FAIM2: variants seen among roughly 807,000 people sequenced by gnomAD.
FAIM2 encodes the protein protein lifeguard 2.
Under a neutral mutation model 47.4 loss-of-function variants are expected in FAIM2, and 27 were observed. That is an observed-to-expected ratio of 0.57 (90% confidence interval 0.42 to 0.78). The LOEUF (loss-of-function observed/expected upper bound fraction) is 0.78. FAIM2 is among the 30% of genes least tolerant of loss of function. The pLI is 0.00. For synonymous variants in FAIM2, 156 were observed against 159.3 expected, an observed-to-expected ratio of 0.98 and a Z score of 0.16; for missense variants, 311 against 389.4, an observed-to-expected ratio of 0.80 and a Z score of 1.69.
chr12:49,889,394 G>T, intron 9 of FAIM2, 87 bp downstream of exon 9: 1 of 1,280,004 alleles, frequency 7.8e-7, no homozygotes, highest in East Asian at 2.3e-5. Context: ...CCCAGCCCCA[G>T]GTCCGAGCTC....
rs369405074 is a variant in FAIM2 at position 49,879,340 on chromosome 12, A to C, written c.801+8046T>G. ...TGTATATGTGCGTGTGTATGTGTTT[A>C]TGTGTGCATGTGAGTGCATGTGTGT... On this transcript the variant is annotated intron_variant, in intron 11 of 11. Coordinates refer to ENST00000320634, the MANE Select transcript of FAIM2 (RefSeq NM_012306.4). Among the ~76,000 whole-genome samples, 404 of 118,868 alleles carry C rather than the reference A, an allele frequency of 3.4e-3. 10 individuals carry two copies. Among genetic ancestry groups the C allele is most frequent in the African/African-American group, 0.013 (382 of 30,020 alleles). The allele number at this position is 118,868 out of a possible 152,430, so 78.0% of individuals were successfully genotyped here. A position where few individuals can be genotyped will look rare whatever the true frequency, so the allele number is the denominator to read the frequency against.
chr12:49,899,633 G>A (rs947910843), intron 2 of FAIM2, among the ~76,000 whole-genome samples: 1 of 152,154 alleles, frequency 6.6e-6, no homozygotes, highest in South Asian at 2.1e-4. Flanking sequence ...CCTATCCTTT[G>A]GGACTCAGTG....
At chr12:49,901,602 T>A (rs1359902225) in intron 1 of FAIM2, 1 of 334,506 alleles carries the variant, frequency 3.0e-6, no homozygotes. Context: ...ACTGTCATTG[T>A]CCCTGGGGTA....
intron 11 of FAIM2, among the ~76,000 whole-genome samples, chr12:49,871,096 G>T (rs1404338662): frequency 1.3e-5 from 2 of 152,194 alleles, no homozygotes; most frequent in Non-Finnish European, 2.9e-5. Flanking sequence ...GCTCTCAGAG[G>T]AAGGCAAACG....
chr12:49,897,489 G>A (rs1430433895), intron 4 of FAIM2, 30 bp downstream of exon 4: 3 of 1,606,366 alleles, frequency 1.9e-6, no homozygotes, highest in Non-Finnish European at 1.7e-6. Flanking sequence ...AGTCATCCCT[G>A]GAAGGTGCTG....
intron 5 of FAIM2, among the ~76,000 whole-genome samples, chr12:49,895,026 G>T (rs1304321956): frequency 6.6e-6 from 1 of 151,674 alleles, no homozygotes; most frequent in African/African-American, 2.4e-5. Flanking sequence ...GGCCAACTTA[G>T]GGGGCAGGAC....
intron 11 of FAIM2, among the ~76,000 whole-genome samples, chr12:49,872,374 G>A (rs890627853): frequency 1.3e-5 from 2 of 152,258 alleles, no homozygotes; most frequent in Non-Finnish European, 2.9e-5. Flanking sequence ...TGAAGAGTGG[G>A]GAACTCGGTG....
At chr12:49,895,597 C>G (rs987851367) in intron 5 of FAIM2, among the ~76,000 whole-genome samples, 8 of 152,218 alleles carry the variant, frequency 5.3e-5, no homozygotes, top group African/African-American at 1.4e-4. Context: ...ACAGTGCCTC[C>G]CAGTTCCCCA....
chr12:49,873,888 G>A (rs979814940), intron 11 of FAIM2, among the ~76,000 whole-genome samples: 8 of 152,190 alleles, frequency 5.3e-5, no homozygotes, highest in African/African-American at 1.9e-4. Context: ...TATTTGCTGA[G>A]CACCTACTAT....
At chr12:49,884,428 T>C (rs547763351) in intron 11 of FAIM2, among the ~76,000 whole-genome samples, 43 of 152,178 alleles carry the variant, frequency 2.8e-4, no homozygotes, top group Non-Finnish European at 5.7e-4. Context: ...GTTTTGTGGG[T>C]TATTTTCAGG....
intron 1 of FAIM2, among the ~76,000 whole-genome samples, chr12:49,902,623 AGGAGACTCAGCAGAAG>A (rs536017665): frequency 4.3e-4 from 65 of 152,240 alleles, no homozygotes; most frequent in Middle Eastern, 6.8e-3. Context: ...TGGAGGTGGA[AGGAGACTCAGCAGAAG>A]GGGTGAGTTC....
At chr12:49,878,705 TG>T (rs1472953677) in intron 11 of FAIM2, among the ~76,000 whole-genome samples, 1 of 108,802 alleles carries the variant, frequency 9.2e-6, no homozygotes, top group Non-Finnish European at 1.7e-5. Flanking sequence ...TGTGCATGTG[TG>T]CATATATGCG....
intron 11 of FAIM2, among the ~76,000 whole-genome samples, chr12:49,880,373 TATGTGTGTCTATGTGTGC>T (rs932562102): frequency 4.9e-5 from 6 of 123,334 alleles, no homozygotes; most frequent in African/African-American, 1.6e-4. Flanking sequence ...TGTGCATGTG[TATGTGTGTCTATGTGTGC>T]ATGTGAGTGT....
At chr12:49,895,589 A>G (rs369958397) in intron 5 of FAIM2, among the ~76,000 whole-genome samples, 1 of 152,178 alleles carries the variant, frequency 6.6e-6, no homozygotes, top group African/African-American at 2.4e-5. Flanking sequence ...TTTACCGTAC[A>G]GTGCCTCCCA....
rs2035272765 is a variant in FAIM2 at position 49,878,181 on chromosome 12, T to C, written c.802-7528A>G. On this transcript the variant is annotated intron_variant, in intron 11 of 11. Coordinates refer to ENST00000320634, the MANE Select transcript of FAIM2 (RefSeq NM_012306.4). ...GAGTGTATGTGTGTATGTGCATGTG[T>C]ATATGTGTGTGCATATGTGTATGTA... is the stretch of plus-strand genomic sequence containing the variant. 3.3e-5 allele frequency among the ~76,000 whole-genome samples: 2 copies of C among 60,930 alleles called. 1 individual carries two copies. Among genetic ancestry groups the C allele is most frequent in the African/African-American group, 1.9e-4 (2 of 10,432 alleles). 40.0% of individuals were successfully genotyped at this position (60,930 alleles called of 152,430 possible). A position where few individuals can be genotyped will look rare whatever the true frequency, so the allele number is the denominator to read the frequency against.
chr12:49,897,446 G>T, intron 4 of FAIM2, 73 bp downstream of exon 4: 1 of 1,397,878 alleles, frequency 7.2e-7, no homozygotes, highest in South Asian at 1.2e-5. Flanking sequence ...GCAGGAGTCT[G>T]ATCATGGGTT....
In FAIM2 at chr12:49,878,591, TATGTGTATGTGTGC is replaced by T. The variant is rs1391528042; in HGVS notation, c.802-7952_802-7939del. Among the ~76,000 whole-genome samples the T allele has an allele frequency of 2.2e-4, 24 of 108,580 alleles. 4 individuals are homozygous for T. Among genetic ancestry groups the T allele is most frequent in the South Asian group, 7.6e-4 (2 of 2,644 alleles). The allele number at this position is 108,580 out of a possible 152,430, so 71.2% of individuals were successfully genotyped here. A position where few individuals can be genotyped will look rare whatever the true frequency, so the allele number is the denominator to read the frequency against. On this transcript the variant is annotated intron_variant, in intron 11 of 11. Transcript: ENST00000320634. ...ATGTTCATGTGTATATGTACATGTG[TATGTGTATGTGTGC>T]ATGTGTATGTGTGCATATGTGTATG...
At chr12:49,902,772 C>G (rs1014959183) in intron 1 of FAIM2, 1 of 152,022 alleles carries the variant, frequency 6.6e-6, no homozygotes, top group African/African-American at 2.4e-5. Context: ...CACCCTGCCA[C>G]TCCGCCCCCC....
At chr12:49,888,740 C>G (rs1946878445) in intron 10 of FAIM2, among the ~76,000 whole-genome samples, 1 of 152,218 alleles carries the variant, frequency 6.6e-6, no homozygotes, top group South Asian at 2.1e-4. Flanking sequence ...CCCCAGAAGA[C>G]CCTTCTTCAA....
Sources: allele counts gnomAD v4.1 joint callset (sites outside exome capture counted in the v4.1 genomes callset), GRCh38; gene constraint gnomAD v4.1.1; transcripts MANE v1.5; gene names NCBI Gene and HGNC (gene_info 2026-07-23, HGNC 2026-07-21).